RYR3: variants seen among roughly 807,000 people sequenced by gnomAD.
RYR3 encodes ryanodine receptor 3.
A neutral mutation model predicts 584.3 loss-of-function variants in RYR3; 207 were observed. That is an observed-to-expected ratio of 0.35 (90% CI 0.32 to 0.40). RYR3 has a LOEUF of 0.40. RYR3 is among the 10% of genes least tolerant of loss of function. The pLI is 1.00. For missense variants in RYR3, 5,616 were observed against 6,089.2 expected (o/e 0.92, Z 2.59); for synonymous variants, 2,416 against 2,248.5 (o/e 1.07, Z -2.11).
At chr15:33,772,260 G>C in intron 63 of RYR3, 102 bp downstream of exon 63, 1 of 660,590 alleles carries the variant, frequency 1.5e-6, no homozygotes. Flanking sequence ...AGAGCAGAGA[G>C]AGAATTATTC....
chr15:33,442,799 A>G (rs769318612), intron 1 of RYR3, among the ~76,000 whole-genome samples: 20 of 152,258 alleles, frequency 1.3e-4, no homozygotes, highest in Non-Finnish European at 1.9e-4. Flanking sequence ...TGGACAGCCA[A>G]AATAGATGCT....
At chr15:33,317,256 C>T (rs549963129) in intron 1 of RYR3, among the ~76,000 whole-genome samples, 2 of 152,248 alleles carry the variant, frequency 1.3e-5, no homozygotes, top group Admixed American at 6.5e-5. Flanking sequence ...AAAACCAGAG[C>T]GGGTTTTTCT....
At chr15:33,429,531 T>A (rs1274407435) in intron 1 of RYR3, among the ~76,000 whole-genome samples, 2 of 152,214 alleles carry the variant, frequency 1.3e-5, no homozygotes, top group Non-Finnish European at 2.9e-5. Flanking sequence ...AATGGTGCTC[T>A]AATTGACTGG....
At chr15:33,425,703 G>A (rs1021777666) in intron 1 of RYR3, among the ~76,000 whole-genome samples, 6 of 143,860 alleles carry the variant, frequency 4.2e-5, no homozygotes, top group African/African-American at 1.3e-4. Context: ...GTGAATTGCC[G>A]TGATCTTGGC....
intron 1 of RYR3, among the ~76,000 whole-genome samples, chr15:33,345,059 G>A (rs905161194): frequency 1.4e-4 from 21 of 152,156 alleles, no homozygotes; most frequent in African/African-American, 1.9e-4. Context: ...AACTCAGGTT[G>A]TCTCGTTTCT....
chr15:33,424,685 T>G (rs1030160737), intron 1 of RYR3, among the ~76,000 whole-genome samples: 6 of 152,204 alleles, frequency 3.9e-5, no homozygotes, highest in Non-Finnish European at 8.8e-5. Flanking sequence ...TTGGACTGGG[T>G]CTAGGCTCAC....
intron 1 of RYR3, among the ~76,000 whole-genome samples, chr15:33,469,110 A>T (rs1359605533): frequency 6.6e-6 from 1 of 152,200 alleles, no homozygotes; most frequent in Non-Finnish European, 1.5e-5. Context: ...CACTGCAAAA[A>T]GTATGGTGAT....
At chr15:33,513,966 G>C (rs1014305525) in intron 3 of RYR3, among the ~76,000 whole-genome samples, 1 of 152,124 alleles carries the variant, frequency 6.6e-6, no homozygotes, top group Non-Finnish European at 1.5e-5. Context: ...TCTTGAACTT[G>C]TTCTGTAAGG....
intron 60 of RYR3, among the ~76,000 whole-genome samples, chr15:33,763,248 A>C (rs371824132): frequency 6.6e-6 from 1 of 152,238 alleles, no homozygotes; most frequent in Non-Finnish European, 1.5e-5. Context: ...CAATGGCAAC[A>C]AAAGCCATAA....
At chr15:33,765,060 C>T (rs11638623) in intron 60 of RYR3, among the ~76,000 whole-genome samples, 2 of 141,796 alleles carry the variant, frequency 1.4e-5, no homozygotes, top group East Asian at 2.2e-4. Flanking sequence ...AGACATCATA[C>T]AAGTCCTGAT....
chr15:33,757,693 G>A, intron 60 of RYR3, 97 bp downstream of exon 60: 1 of 1,313,386 alleles, frequency 7.6e-7, no homozygotes, highest in Non-Finnish European at 1.1e-6. Context: ...TTGGAGAAAT[G>A]AAACTGGATG....
At chr15:33,761,458 A>T (rs1157300509) in intron 60 of RYR3, among the ~76,000 whole-genome samples, 1 of 152,260 alleles carries the variant, frequency 6.6e-6, no homozygotes, top group Non-Finnish European at 1.5e-5. Flanking sequence ...ACCGTTAGAG[A>T]ATACTACAAA....
chr15:33,637,856 G>A (rs1024285506), intron 27 of RYR3, among the ~76,000 whole-genome samples: 4 of 151,766 alleles, frequency 2.6e-5, no homozygotes, highest in African/African-American at 4.8e-5. Context: ...CAACGTGCAG[G>A]TTTGTTACAT....
Position 33,468,248 on chromosome 15 carries a change from C to T in RYR3, c.52-5171C>T, listed in dbSNP as rs534361891. On this transcript the variant is annotated intron_variant, in intron 1 of 103. Coordinates refer to ENST00000634891, the MANE Select transcript of RYR3 (RefSeq NM_001036.6). ...AAACTGAGATGCTATAACATGGTAG[C>T]ACATGGTGACTGGCCATTAAATATT... 6.6e-5 allele frequency among the ~76,000 whole-genome samples: 10 copies of T among 152,262 alleles called. No individual in the cohort carries two copies. The East Asian group carries it at 1.5e-3, about 24-fold the overall frequency.
rs71117157 is a variant in RYR3, at chr15:33,596,495, TGGG to T, written c.1789-4915_1789-4913del. Among the ~76,000 whole-genome samples, 31 of 133,986 alleles carry T rather than the reference TGGG, an allele frequency of 2.3e-4. 2 individuals are homozygous for T. Among genetic ancestry groups the T allele is most frequent in the African/African-American group, 8.1e-4 (29 of 35,668 alleles). The allele number at this position is 133,986 out of a possible 152,430, so 87.9% of individuals were successfully genotyped here. A position where few individuals can be genotyped will look rare whatever the true frequency, so the allele number is the denominator to read the frequency against. ...GACCAACTCAATATTGTTCTTTTTT[TGGG>T]GGGGGGGGATTTCTGACTTCTTTTT... On this transcript the variant is annotated intron_variant, in intron 16 of 103. Transcript: ENST00000634891.
At chr15:33,708,403 G>A (rs967304145) in intron 43 of RYR3, among the ~76,000 whole-genome samples, 4 of 152,154 alleles carry the variant, frequency 2.6e-5, no homozygotes, top group Admixed American at 1.3e-4. Flanking sequence ...TACCTGGATC[G>A]TGAAGGTAAA....
Position 33,746,136 on chromosome 15 carries a change from T to G in RYR3, c.7968T>G (p.Pro2656=). ...TGAAGACCCACCCACTGATAAGGCC[T>G]TTCAAGACATTAACGGAGAAGGTAA... ...ENVKTHPLIR[P]FKTLTEKEKE... Residue 2656 remains proline (P), a synonymous_variant, in exon 53 of 104, where the codon CCT becomes CCG. Coordinates refer to ENST00000634891, the MANE Select transcript of RYR3 (RefSeq NM_001036.6). The G allele has an allele frequency of 6.3e-7, 1 of 1,597,164 alleles. No homozygotes were observed.
chr15:33,650,697 C>T (rs2062414916), intron 31 of RYR3, among the ~76,000 whole-genome samples: 1 of 152,164 alleles, frequency 6.6e-6, no homozygotes, highest in Non-Finnish European at 1.5e-5. Flanking sequence ...AGCACTGAAC[C>T]CTGGTATAGG....
intron 10 of RYR3, among the ~76,000 whole-genome samples, chr15:33,551,918 T>A (rs2056707234): frequency 6.6e-6 from 1 of 151,864 alleles, no homozygotes; most frequent in Non-Finnish European, 1.5e-5. Flanking sequence ...GGACATGGAG[T>A]GGGAGCTGAA....
Sources: gnomAD v4.1 joint callset for allele counts (sites outside exome capture counted in the v4.1 genomes callset) on GRCh38, gnomAD v4.1.1 for gene constraint, MANE v1.5 for transcripts, NCBI Gene and HGNC (gene_info 2026-07-23, HGNC 2026-07-21) for gene names.